Variants in ST6GALNAC3 observed in about 807,000 individuals in gnomAD.
ST6GALNAC3 encodes the protein ST6 N-acetylgalactosaminide alpha-2,6-sialyltransferase 3, also known as alpha-N-acetylgalactosaminide alpha-2,6-sialyltransferase 3.
ST6GALNAC3 carries 25 observed loss-of-function variants against 32.7 expected under a neutral mutation model. The observed-to-expected ratio is 0.76, with a 90% CI of 0.56 to 1.07. The LOEUF (loss-of-function observed/expected upper bound fraction) is 1.07. ST6GALNAC3 is among the 50% of genes least tolerant of loss of function. The probability of loss-of-function intolerance (pLI) is 0.00; values close to 1 mark genes in which losing one functional copy is unlikely to be tolerated. For synonymous variants in ST6GALNAC3, 129 were observed against 133.1 expected (o/e 0.97, Z 0.21); for missense variants, 355 against 382.4 (o/e 0.93, Z 0.60).
chr1:76,371,646 G>T (rs190690826), intron 2 of ST6GALNAC3, among the ~76,000 whole-genome samples: 7 of 152,290 alleles, frequency 4.6e-5, no homozygotes, highest in Non-Finnish European at 1.0e-4. Context: ...AGATTCTCTC[G>T]TATCTGAACC....
At chr1:76,346,525 A>G (rs542768461) in intron 2 of ST6GALNAC3, among the ~76,000 whole-genome samples, 1 of 152,378 alleles carries the variant, frequency 6.6e-6, no homozygotes, top group Admixed American at 6.5e-5. Flanking sequence ...AAAGCAAAAC[A>G]TAGACTTATA....
intron 3 of ST6GALNAC3, among the ~76,000 whole-genome samples, chr1:76,562,238 A>G (rs1006838300): frequency 2.0e-5 from 3 of 152,206 alleles, no homozygotes; most frequent in Non-Finnish European, 4.4e-5. Flanking sequence ...AAATGAGTGA[A>G]TTATATGGTA....
chr1:76,308,030 A>T, intron 1 of ST6GALNAC3: 1 of 369,318 alleles, frequency 2.7e-6, no homozygotes, highest in South Asian at 2.1e-5. Context: ...GCCCCTTCAG[A>T]CTTGCCCAAA....
chr1:76,559,883 A>C (rs1665146137), intron 3 of ST6GALNAC3, among the ~76,000 whole-genome samples: 1 of 152,166 alleles, frequency 6.6e-6, no homozygotes, highest in South Asian at 2.1e-4. Flanking sequence ...ACTGTGACAC[A>C]TTTAATAATG....
In ST6GALNAC3 at chr1:76,509,913, C is replaced by T. The variant is rs907164435; in HGVS notation, c.623+97496C>T. Among the ~76,000 whole-genome samples the T allele has an allele frequency of 6.6e-6, 1 of 152,104 alleles. No individual in the cohort carries two copies. Among genetic ancestry groups the T allele is most frequent in the Non-Finnish European group, 1.5e-5 (1 of 68,000 alleles). On this transcript the variant is annotated intron_variant, in intron 3 of 4. Transcript: ENST00000328299. This position sits in a 1 kb window ranked among gnomAD's most constrained non-coding sequence, Gnocchi z 5.5. The stretch of plus-strand genomic sequence containing the variant: ...ATTGCACCTATGAAGTCCTTTTTGG[C>T]ATGTAAAGCAACATATTCACAGGTT...
chr1:76,179,684 T>C (rs914961671), intron 1 of ST6GALNAC3, among the ~76,000 whole-genome samples: 6 of 151,988 alleles, frequency 3.9e-5, no homozygotes, highest in Admixed American at 2.0e-4. Context: ...TCTACCTTGA[T>C]CTTAGCCAAA....
At chr1:76,443,769 ATAT>A (rs1375647955) in intron 3 of ST6GALNAC3, among the ~76,000 whole-genome samples, 3 of 152,202 alleles carry the variant, frequency 2.0e-5, no homozygotes, top group African/African-American at 7.2e-5. Context: ...TAAAATTAAG[ATAT>A]TATGATAGAA....
At chr1:76,329,117 T>C (rs1036228050) in intron 2 of ST6GALNAC3, among the ~76,000 whole-genome samples, 4 of 152,202 alleles carry the variant, frequency 2.6e-5, no homozygotes, top group Non-Finnish European at 5.9e-5. Context: ...CAGTAAGTGG[T>C]GTGCTTGTGT....
At chr1:76,524,006 T>C (rs890140210) in intron 3 of ST6GALNAC3, among the ~76,000 whole-genome samples, 7 of 152,140 alleles carry the variant, frequency 4.6e-5, no homozygotes, top group African/African-American at 1.7e-4. Context: ...AGCCTTCCTT[T>C]CCAATGATTT....
At chr1:76,149,679 T>C (rs1650918624) in intron 1 of ST6GALNAC3, among the ~76,000 whole-genome samples, 1 of 152,244 alleles carries the variant, frequency 6.6e-6, no homozygotes, top group Admixed American at 6.5e-5. Context: ...CATTGTTCCA[T>C]TGTGTATTTT....
chr1:76,448,463 T>G (rs1459595125), intron 3 of ST6GALNAC3, among the ~76,000 whole-genome samples: 1 of 152,136 alleles, frequency 6.6e-6, no homozygotes, highest in African/African-American at 2.4e-5. Context: ...ATGATTAGTT[T>G]TGAAATGTGA....
chr1:76,117,381 C>T (rs902155186), intron 1 of ST6GALNAC3, among the ~76,000 whole-genome samples: 2 of 152,338 alleles, frequency 1.3e-5, no homozygotes, highest in Non-Finnish European at 2.9e-5. Context: ...AGATAACTTA[C>T]GGACTTGAGT....
chr1:76,171,817 C>CAAAAAAAAAAAA (rs11316194), intron 1 of ST6GALNAC3, among the ~76,000 whole-genome samples: 1 of 133,064 alleles, frequency 7.5e-6, no homozygotes. Context: ...AAAACAACAA[C>CAAAAAAAAAAAA]AAAAAAAAAA....
At chr1:76,391,340 C>T (rs1336656945) in intron 2 of ST6GALNAC3, among the ~76,000 whole-genome samples, 1 of 152,124 alleles carries the variant, frequency 6.6e-6, no homozygotes, top group Non-Finnish European at 1.5e-5. Context: ...TGAAAAGCTT[C>T]TAATGTGAGT....
intron 1 of ST6GALNAC3, among the ~76,000 whole-genome samples, chr1:76,163,023 A>G (rs1651908017): frequency 6.6e-6 from 1 of 152,226 alleles, no homozygotes; most frequent in Non-Finnish European, 1.5e-5. Context: ...TAGGTGTTCA[A>G]TCAATGGCAA....
chr1:76,598,794 T>A (rs576201283), intron 3 of ST6GALNAC3, among the ~76,000 whole-genome samples: 36 of 152,230 alleles, frequency 2.4e-4, no homozygotes, highest in African/African-American at 8.7e-4. Context: ...TTCTTTTCAC[T>A]GTGTTTAAGA....
intron 3 of ST6GALNAC3, among the ~76,000 whole-genome samples, chr1:76,437,043 C>A: frequency 6.6e-6 from 1 of 152,106 alleles, no homozygotes; most frequent in Non-Finnish European, 1.5e-5. Context: ...AGCTGACCTA[C>A]TTGTTTAAGG....
chr1:76,096,074 G>C (rs1476751627), intron 1 of ST6GALNAC3, among the ~76,000 whole-genome samples: 2 of 152,132 alleles, frequency 1.3e-5, no homozygotes, highest in Non-Finnish European at 2.9e-5. Context: ...TGGTGGGCCT[G>C]GTTACCTAGG....
intron 3 of ST6GALNAC3, among the ~76,000 whole-genome samples, chr1:76,599,564 A>G (rs1270268964): frequency 2.6e-5 from 4 of 151,290 alleles, no homozygotes; most frequent in Non-Finnish European, 4.4e-5. Flanking sequence ...TGTTCCTGTG[A>G]GATTAAATAT....
Sources: allele counts gnomAD v4.1 joint callset (sites outside exome capture counted in the v4.1 genomes callset), GRCh38; gene constraint gnomAD v4.1.1; non-coding constraint Gnocchi (gnomAD v3.1); transcripts MANE v1.5; gene names NCBI Gene and HGNC (gene_info 2026-07-23, HGNC 2026-07-21).